Variants in RBPJL observed in about 807,000 individuals in gnomAD.
The protein encoded by RBPJL is recombination signal binding protein for immunoglobulin kappa J region like.
A neutral mutation model predicts 57.6 loss-of-function variants in RBPJL; 50 were observed. The observed-to-expected ratio is 0.87, with a 90% CI of 0.69 to 1.10. The LOEUF (loss-of-function observed/expected upper bound fraction) is 1.10, where lower values mean the gene tolerates loss of function less well. Among genes scored for constraint, RBPJL ranks in the 50% least tolerant of loss-of-function variants. The pLI, the probability that RBPJL is intolerant of heterozygous loss-of-function variation, is 0.00. For synonymous variants in RBPJL, 303 were observed against 294.4 expected, an observed-to-expected ratio of 1.03 and a Z score of -0.30; for missense variants, 684 against 693.7, an observed-to-expected ratio of 0.99 and a Z score of 0.16.
chr20:45,311,733 G>A, intron 4 of RBPJL, 74 bp downstream of exon 4: 2 of 1,575,180 alleles, frequency 1.3e-6, no homozygotes, highest in Non-Finnish European at 1.7e-6. Context: ...GAGACGGGGC[G>A]GTTCGCAGGC....
intron 1 of RBPJL, among the ~76,000 whole-genome samples, chr20:45,307,709 CA>C (rs1406463408): frequency 6.6e-6 from 1 of 152,228 alleles, no homozygotes; most frequent in Non-Finnish European, 1.5e-5. Context: ...CAAAGTTCAT[CA>C]CCTTTCCAAA....
intron 2 of RBPJL, 110 bp from the exon 3 acceptor site, chr20:45,309,457 C>A: frequency 1.7e-6 from 2 of 1,192,666 alleles, no homozygotes; most frequent in South Asian, 1.7e-5. Context: ...CCCTCCCACT[C>A]ACTCTAACCC....
rs779848105 is a variant in RBPJL at position 45,314,480 on chromosome 20, A to G, written c.935A>G (p.Lys312Arg). 6 of 1,614,206 alleles carry G rather than the reference A, an allele frequency of 3.7e-6. No homozygotes were observed. Among genetic ancestry groups the G allele is most frequent in the Non-Finnish European group, 5.1e-6 (6 of 1,180,008 alleles). Reference protein sequence around the residue: ...DVDEPISQLHKCAFQFPGSPP... With the variant: ...DVDEPISQLHRCAFQFPGSPP... ...GATGAGCCCATCTCCCAGCTGCACA[A>G]GTGTGCATTCCAGTTTCCAGGCAGT... Residue 312 changes from lysine (K) to arginine (R), a missense_variant, in exon 9 of 12, where the codon AAG becomes AGG. Lys to Arg is a conservative substitution (Grantham distance 26). Transcript: ENST00000343694.
Position 45,311,895 on chromosome 20 carries a change from G to T in RBPJL, c.385G>T (p.Ala129Ser), listed in dbSNP as rs781333475. 10 of 1,539,636 alleles carry T rather than the reference G, an allele frequency of 6.5e-6. No individual in the cohort carries two copies. The highest frequency in any genetic ancestry group is 8.7e-6 in the Non-Finnish European group (10 of 1,144,512). The change falls in exon 5 of 12, where the codon GCG becomes TCG. Residue 129 changes from alanine (A) to serine (S), a missense_variant. Transcript: ENST00000343694. ...TVCGYMGLDS[A>S]SGSATETQKL... ...CTGCGGTTACATGGGACTGGACAGC[G>T]CGTCCGGCAGCGCCACTGAGACGCA...
chr20:45,316,097 C>A, intron 9 of RBPJL, 90 bp from the exon 10 acceptor site: 1 of 1,317,838 alleles, frequency 7.6e-7, no homozygotes, highest in Non-Finnish European at 1.1e-6. Context: ...CCAGTTCGGT[C>A]TAACGCAGAA....
Position 45,316,990 on chromosome 20 carries a change from G to A in RBPJL, c.*31G>A, listed in dbSNP as rs746635547. On this transcript the variant is annotated 3_prime_UTR_variant, in exon 12 of 12. Transcript: ENST00000343694. ...CCCGGTAGCCCCGGCTGCCCACCCT[G>A]GAGGGCTGCGCCCGCGCCAGGCGCG... is the stretch of plus-strand genomic sequence containing the variant. The A allele has an allele frequency of 1.0e-5, 16 of 1,594,524 alleles. No individual in the cohort carries two copies. The highest frequency in any genetic ancestry group is 1.4e-5 in the Non-Finnish European group (16 of 1,168,540).
chr20:45,313,073 C>A (rs1987270314), intron 6 of RBPJL, among the ~76,000 whole-genome samples: 1 of 151,518 alleles, frequency 6.6e-6, no homozygotes, highest in Non-Finnish European at 1.5e-5. Context: ...AGCAAAGGAA[C>A]AGGCAAAGGT....
chr20:45,311,724 A>T (rs1987180378), intron 4 of RBPJL, 65 bp downstream of exon 4: 1 of 1,589,000 alleles, frequency 6.3e-7, no homozygotes, highest in Admixed American at 1.7e-5. Context: ...ATTGGGCCCG[A>T]GACGGGGCGG....
intron 2 of RBPJL, among the ~76,000 whole-genome samples, chr20:45,308,791 T>C (rs982556651): frequency 2.0e-5 from 3 of 151,840 alleles, no homozygotes; most frequent in African/African-American, 7.3e-5. Context: ...CTCCTCTACT[T>C]GCTCCCTGCA....
chr20:45,311,125 A>AG (rs1344903824), intron 3 of RBPJL, among the ~76,000 whole-genome samples: 2 of 151,540 alleles, frequency 1.3e-5, no homozygotes, highest in African/African-American at 4.9e-5. Context: ...TCAAAAAAAA[A>AG]AAAAAAGAAA....
chr20:45,317,239 T>C lies in RBPJL; in HGVS notation c.*280T>C, dbSNP rs1987523439. 1.9e-6 allele frequency: 1 copy of C among 517,046 alleles called. No individual in the cohort carries two copies. Among genetic ancestry groups the C allele is most frequent in the Non-Finnish European group, 3.4e-6 (1 of 293,176 alleles). 32.0% of individuals were successfully genotyped at this position (517,046 alleles called of 1,614,324 possible). A position where few individuals can be genotyped will look rare whatever the true frequency, so the allele number is the denominator to read the frequency against. The stretch of plus-strand genomic sequence containing the variant: ...TTCTCACTCTGTCTCTAAACCTCTC[T>C]CTCTCTCCCTTCCCCCTCAGTACTT... On this transcript the variant is annotated 3_prime_UTR_variant, in exon 12 of 12. Coordinates refer to ENST00000343694, the MANE Select transcript of RBPJL (RefSeq NM_014276.4).
At chr20:45,310,379 G>A (rs966028986) in intron 3 of RBPJL, among the ~76,000 whole-genome samples, 1 of 152,126 alleles carries the variant, frequency 6.6e-6, no homozygotes, top group African/African-American at 2.4e-5. Context: ...GGCCGAGGCG[G>A]GCGGATCACC....
chr20:45,316,911 C>T lies in RBPJL; in HGVS notation c.1506C>T (p.Ile502=). ...ATDADALLES[I]HQEFTRTNFH... is the part of the protein sequence containing the mutation. ...ACGCCGACGCGCTCCTGGAGAGCAT[C>T]CATCAGGAGTTCACGCGCACCAACT... The change falls in exon 12 of 12, where the codon ATC becomes ATT. Residue 502 remains isoleucine, a synonymous_variant. Coordinates refer to ENST00000343694, the MANE Select transcript of RBPJL (RefSeq NM_014276.4). The T allele has an allele frequency of 1.2e-6, 2 of 1,613,512 alleles. No homozygotes were observed. The highest frequency in any genetic ancestry group is 1.7e-6 in the Non-Finnish European group (2 of 1,179,650).
chr20:45,311,170 A>C (rs901844110), intron 3 of RBPJL, among the ~76,000 whole-genome samples: 12 of 150,752 alleles, frequency 8.0e-5, no homozygotes, highest in African/African-American at 2.9e-4. Flanking sequence ...AAGGAATGAA[A>C]GAAAAAAAGA....
rs201474261 is a variant in RBPJL at position 45,314,068 on chromosome 20, C to T, written c.791C>T (p.Pro264Leu). 1.4e-5 allele frequency: 22 copies of T among 1,614,080 alleles called. No individual in the cohort carries two copies. Among genetic ancestry groups the T allele is most frequent in the Middle Eastern group, 1.6e-4 (1 of 6,082 alleles). Residue 264 changes from proline (P) to leucine (L), a missense_variant, in exon 8 of 12, where the codon CCG becomes CTG. Physicochemically the swap from Pro to Leu is moderately conservative, Grantham distance 98 (BLOSUM62 -3). Transcript: ENST00000343694. ...CACTCTGCCCAAGGAGACTTCCCAC[C>T]GCGAGAGGGCTACGTTCGCTATGGC... ...DGHSAQGDFP[P>L]REGYVRYGSL... is the part of the protein sequence containing the mutation.
chr20:45,311,593 T>G lies in RBPJL; in HGVS notation c.262T>G (p.Phe88Val). The G allele has an allele frequency of 6.2e-7, 1 of 1,614,192 alleles. No homozygotes were observed. The highest frequency in any genetic ancestry group is 1.1e-5 in the South Asian group (1 of 91,086). Residue 88 changes from phenylalanine (F) to valine (V), a missense_variant, in exon 4 of 12, where the codon TTC (phenylalanine) becomes GTC (valine). Phe to Val is a conservative substitution (Grantham distance 50, BLOSUM62 -1). Transcript: ENST00000343694. ...AACACTCACTTATCTCCGCAGGTTC[T>G]TCTGCCCCCCGCCCTGTGTCTACCT... The part of the protein sequence containing the change: ...QKSYGNEKRF[F>V]CPPPCVYLSG...
chr20:45,308,577 A>G, intron 2 of RBPJL: 1 of 341,942 alleles, frequency 2.9e-6, no homozygotes, highest in South Asian at 3.6e-5. Context: ...CCCTGAGGAG[A>G]GCCCCAAGGG....
chr20:45,316,648 G>A, intron 11 of RBPJL, 38 bp from the exon 12 acceptor site: 4 of 1,537,176 alleles, frequency 2.6e-6, no homozygotes, highest in Non-Finnish European at 3.5e-6. Context: ...CGCGTCGTCG[G>A]AGTCGCCGCA....
rs1011946799 is a variant in RBPJL, at chr20:45,311,456, T to C, written c.258-133T>C. ...GTTTGGCTATGAATGGGGTTTACAGTCGTGAAAAAGCGTTGCGGGGAGCGG... is the reference window on the plus strand; with the variant it reads ...GTTTGGCTATGAATGGGGTTTACAGCCGTGAAAAAGCGTTGCGGGGAGCGG... On this transcript the variant is annotated intron_variant, in intron 3 of 11. Transcript: ENST00000343694. 7.9e-6 allele frequency: 6 copies of C among 760,940 alleles called. No individual in the cohort carries two copies. In the East Asian group the frequency reaches 1.6e-4, roughly 20 times the overall value. 47.1% of individuals were successfully genotyped at this position (760,940 alleles called of 1,614,324 possible).
Sources: gnomAD v4.1 joint callset for allele counts (sites outside exome capture counted in the v4.1 genomes callset) on GRCh38, gnomAD v4.1.1 for gene constraint, MANE v1.5 for transcripts, NCBI Gene and HGNC (gene_info 2026-07-23, HGNC 2026-07-21) for gene names.